Variants in STT3B observed in about 807,000 individuals in gnomAD.
The protein encoded by STT3B is dolichyl-diphosphooligosaccharide--protein glycosyltransferase subunit STT3B.
STT3B carries 29 observed loss-of-function variants against 96.8 expected under a neutral mutation model. The ratio of observed to expected loss-of-function variants is 0.30; its 90% CI spans 0.22 to 0.41. The LOEUF (loss-of-function observed/expected upper bound fraction) is 0.41, where lower values mean the gene tolerates loss of function less well. Among genes scored for constraint, STT3B ranks in the 10% least tolerant of loss-of-function variants. The probability of loss-of-function intolerance (pLI) is 1.00; values close to 1 mark genes in which losing one functional copy is unlikely to be tolerated. For missense variants in STT3B, 640 were observed against 1,022.3 expected (o/e 0.63, Z 5.10); for synonymous variants, 367 against 360.0 (o/e 1.02, Z -0.22).
In STT3B at chr3:31,575,467, G is replaced by T. The variant is rs72856014; in HGVS notation, c.315-929G>T. ...CTTTTGTCAAATGCTTGATTTTTTT[G>T]GGGGGGGGATATGTTGCTTATTTTA... On this transcript the variant is annotated intron_variant, in intron 1 of 15. Coordinates refer to ENST00000295770, the MANE Select transcript of STT3B (RefSeq NM_178862.3). Among the ~76,000 whole-genome samples the T allele has an allele frequency of 3.0e-3, 438 of 147,728 alleles. 3 individuals carry two copies. The highest frequency in any genetic ancestry group is 9.9e-3 in the African/African-American group (391 of 39,590).
At chr3:31,564,144 TA>T (rs752070374) in intron 1 of STT3B, among the ~76,000 whole-genome samples, 19 of 152,052 alleles carry the variant, frequency 1.2e-4, no homozygotes, top group African/African-American at 3.9e-4. Context: ...TATTTCTATA[TA>T]AAAAAAATAG....
At chr3:31,591,545 G>A (rs545382650) in intron 3 of STT3B, among the ~76,000 whole-genome samples, 45 of 152,020 alleles carry the variant, frequency 3.0e-4, no homozygotes, top group Admixed American at 2.0e-3. Flanking sequence ...TATTTATAGC[G>A]CTTGATGCAG....
intron 1 of STT3B, among the ~76,000 whole-genome samples, chr3:31,558,404 A>C (rs1188980700): frequency 6.6e-6 from 1 of 152,234 alleles, no homozygotes; most frequent in African/African-American, 2.4e-5. Context: ...TTCAAGATTA[A>C]GTTCAAAATT....
At chr3:31,617,235 C>T (rs577926656) in intron 7 of STT3B, among the ~76,000 whole-genome samples, 160 bp downstream of exon 7, 1 of 141,516 alleles carries the variant, frequency 7.1e-6, no homozygotes, top group African/African-American at 2.6e-5. Context: ...GCATCAAGCT[C>T]TGATAAATCT....
At position 31,604,196 on chromosome 3, in the gene STT3B, G is replaced by T. The variant is rs1698996991; in HGVS notation, c.877+3737G>T. ...TATATCTAAAATGTATTTTTTAGAT[G>T]ATATTTGCTGGGAACCGTCATTAAA... On this transcript the variant is annotated intron_variant, in intron 5 of 15. Coordinates refer to ENST00000295770, the MANE Select transcript of STT3B (RefSeq NM_178862.3). 2.0e-5 allele frequency among the ~76,000 whole-genome samples: 3 copies of T among 151,996 alleles called. No individual in the cohort carries two copies. In the South Asian group the frequency reaches 6.2e-4, roughly 31 times the overall value.
chr3:31,581,922 G>A (rs1275973714), intron 3 of STT3B, among the ~76,000 whole-genome samples: 1 of 152,110 alleles, frequency 6.6e-6, no homozygotes, highest in Non-Finnish European at 1.5e-5. Flanking sequence ...AGTCTTGGTA[G>A]GTTTTTGTGT....
At chr3:31,546,342 T>G (rs538231364) in intron 1 of STT3B, among the ~76,000 whole-genome samples, 4 of 152,230 alleles carry the variant, frequency 2.6e-5, no homozygotes, top group East Asian at 1.9e-4. Flanking sequence ...GACTAGAATG[T>G]TTGGGATGCC....
intron 1 of STT3B, among the ~76,000 whole-genome samples, chr3:31,555,801 A>G (rs1697691656): frequency 6.6e-6 from 1 of 152,276 alleles, no homozygotes; most frequent in African/African-American, 2.4e-5. Context: ...TTAATGGTGT[A>G]CATATCATAT....
At chr3:31,632,657 A>G (rs563313695) in intron 14 of STT3B, among the ~76,000 whole-genome samples, 31 of 118,720 alleles carry the variant, frequency 2.6e-4, no homozygotes, top group African/African-American at 7.4e-4. Flanking sequence ...TTTCATTTCT[A>G]TGTTTTGGTG....
intron 8 of STT3B, among the ~76,000 whole-genome samples, chr3:31,618,189 G>T (rs959429745): frequency 6.6e-6 from 1 of 151,952 alleles, no homozygotes; most frequent in African/African-American, 2.4e-5. Flanking sequence ...TGAAATGTAC[G>T]TTGTGTATTA....
chr3:31,593,376 C>G (rs190053926), intron 3 of STT3B, among the ~76,000 whole-genome samples: 1 of 151,346 alleles, frequency 6.6e-6, no homozygotes, highest in African/African-American at 2.4e-5. Flanking sequence ...TCAACTTTTC[C>G]TCTTTGTCTT....
chr3:31,565,253 G>A (rs1459833081), intron 1 of STT3B, among the ~76,000 whole-genome samples: 1 of 152,160 alleles, frequency 6.6e-6, no homozygotes, highest in Non-Finnish European at 1.5e-5. Flanking sequence ...GAGAACAAAT[G>A]CTTTTCCATT....
chr3:31,564,843 G>A (rs1345058521), intron 1 of STT3B, among the ~76,000 whole-genome samples: 1 of 152,086 alleles, frequency 6.6e-6, no homozygotes, highest in Non-Finnish European at 1.5e-5. Context: ...AAATTCCTGG[G>A]GGATTAGAAA....
intron 1 of STT3B, among the ~76,000 whole-genome samples, chr3:31,559,195 TC>T: frequency 6.8e-6 from 1 of 147,998 alleles, no homozygotes; most frequent in African/African-American, 2.5e-5. Flanking sequence ...GTGTGTTGTC[TC>T]TTTCATTTAG....
At chr3:31,619,187 T>G (rs1699377510) in intron 8 of STT3B, among the ~76,000 whole-genome samples, 1 of 152,126 alleles carries the variant, frequency 6.6e-6, no homozygotes, top group Non-Finnish European at 1.5e-5. Context: ...AACATGATGC[T>G]AAAAGGAAAT....
chr3:31,536,985 G>A (rs1697116646), intron 1 of STT3B, among the ~76,000 whole-genome samples: 1 of 152,190 alleles, frequency 6.6e-6, no homozygotes, highest in African/African-American at 2.4e-5. Context: ...AAGCAATGAA[G>A]TTCCCTATGT....
At chr3:31,538,220 T>C (rs1184478565) in intron 1 of STT3B, among the ~76,000 whole-genome samples, 2 of 152,208 alleles carry the variant, frequency 1.3e-5, no homozygotes, top group African/African-American at 2.4e-5. Context: ...ACATTGTTAC[T>C]ATGATATGAA....
rs571672053 is a variant in STT3B at position 31,597,846 on chromosome 3, T to A, written c.777+983T>A. On this transcript the variant is annotated intron_variant, in intron 4 of 15. Coordinates refer to ENST00000295770, the MANE Select transcript of STT3B (RefSeq NM_178862.3). ...TTATTTCATTATTATTATTATTATT[T>A]TTTTTTTGAGACAGAGTCTGGCTCT... 2.0e-3 allele frequency among the ~76,000 whole-genome samples: 305 copies of A among 151,422 alleles called. 2 individuals are homozygous for A. Among genetic ancestry groups the A allele is most frequent in the Admixed American group, 3.7e-3 (56 of 15,194 alleles).
chr3:31,552,901 A>G (rs564466947), intron 1 of STT3B, among the ~76,000 whole-genome samples: 26 of 152,154 alleles, frequency 1.7e-4, no homozygotes, highest in Admixed American at 1.7e-3. Context: ...CAGGAGATCG[A>G]GACCATCCTG....
Sources: gnomAD v4.1 joint callset for allele counts (sites outside exome capture counted in the v4.1 genomes callset) on GRCh38, gnomAD v4.1.1 for gene constraint, MANE v1.5 for transcripts, NCBI Gene and HGNC (gene_info 2026-07-23, HGNC 2026-07-21) for gene names.